Variants in ZNF121 observed in about 807,000 individuals in gnomAD.
ZNF121 encodes the protein zinc finger protein 121 (clone ZHC32).
In ZNF121, 1 loss-of-function variant was observed where a neutral mutation model predicts 2.4. That is an observed-to-expected ratio of 0.41 (90% CI 0.15 to 1.94). ZNF121 has a LOEUF of 1.94. Ranked by LOEUF, ZNF121 falls within the 30% of genes most tolerant of loss-of-function variation. The pLI is 0.30. For synonymous variants in ZNF121, 173 were observed against 158.6 expected, an observed-to-expected ratio of 1.09 and a Z score of -0.68; for missense variants, 369 against 466.3, an observed-to-expected ratio of 0.79 and a Z score of 1.92.
intron 1 of ZNF121, among the ~76,000 whole-genome samples, chr19:9,570,859 G>A (rs992706482): frequency 6.6e-6 from 1 of 152,204 alleles, no homozygotes; most frequent in Admixed American, 6.5e-5. Flanking sequence ...GGGATTACAG[G>A]CGTGAGCCAC....
rs137909722 is a variant in ZNF121, at chr19:9,581,928, C to T, written c.-160+2533G>A. ...CCAAGTATTTAAAGGTCAAGTATCA[C>T]GTGTGCAATTATGCTCAATTTACAC... On this transcript the variant is annotated intron_variant, in intron 1 of 3. Transcript: ENST00000320451. Among the ~76,000 whole-genome samples, 384 of 152,254 alleles carry T rather than the reference C, an allele frequency of 2.5e-3. 2 individuals carry two copies. The highest frequency in any genetic ancestry group is 9.0e-3 in the African/African-American group (373 of 41,538).
intron 3 of ZNF121, 38 bp downstream of exon 3, chr19:9,568,056 CT>C (rs35536068): frequency 0.1 from 156,534 of 1,529,964 alleles, 12,151 homozygotes; most frequent in African/African-American, 0.38. Context: ...GAATCCCAAT[CT>C]TTTTTTGAGT....
intron 1 of ZNF121, among the ~76,000 whole-genome samples, chr19:9,569,755 A>G (rs1005151516): frequency 6.8e-6 from 1 of 147,592 alleles, no homozygotes; most frequent in African/African-American, 2.5e-5. Flanking sequence ...CTTGTCTTGA[A>G]CTCCCGACCT....
chr19:9,562,880 C>T lies in ZNF121; in HGVS notation c.*3060G>A, dbSNP rs143478152. 198 of 113,854 alleles carry T rather than the reference C, an allele frequency of 1.7e-3. No individual in the cohort carries two copies. The highest frequency in any genetic ancestry group is 6.4e-3 in the African/African-American group (190 of 29,612). The allele number at this position is 113,854 out of a possible 1,614,324, so 7.1% of individuals were successfully genotyped here. On this transcript the variant is annotated 3_prime_UTR_variant, in exon 4 of 4. Transcript: ENST00000320451. ...CAGCCGGGTAAACAGTAAAGTCCTGCCTCTTTAAAAAAAAAAAAAAAAAAA... is the reference window on the plus strand; with the variant it reads ...CAGCCGGGTAAACAGTAAAGTCCTGTCTCTTTAAAAAAAAAAAAAAAAAAA...
At position 9,583,791 on chromosome 19, in the gene ZNF121, C is replaced by T. The variant is rs534502962; in HGVS notation, c.-160+670G>A. ...AATGGCTGGGACTACAGGCGTGAGC[C>T]AGCGCGCCCAGCCTGCCTTTCTTTT... On this transcript the variant is annotated intron_variant, in intron 1 of 3. Transcript: ENST00000320451. Among the ~76,000 whole-genome samples the T allele has an allele frequency of 3.3e-3, 510 of 152,288 alleles. 3 individuals carry two copies. The highest frequency in any genetic ancestry group is 4.9e-3 in the Admixed American group (75 of 15,292).
At chr19:9,578,054 A>AT (rs1177334349) in intron 1 of ZNF121, among the ~76,000 whole-genome samples, 2 of 150,202 alleles carry the variant, frequency 1.3e-5, no homozygotes, top group Non-Finnish European at 2.9e-5. Flanking sequence ...AAAAAAAAAA[A>AT]AAATTAGCCT....
chr19:9,577,488 C>CA (rs1020488758), intron 1 of ZNF121, among the ~76,000 whole-genome samples: 8 of 151,188 alleles, frequency 5.3e-5, no homozygotes, highest in African/African-American at 1.9e-4. Context: ...AAAAAGTAAC[C>CA]AAAAATGTGA....
intron 1 of ZNF121, among the ~76,000 whole-genome samples, chr19:9,571,279 C>T (rs1394901757): frequency 6.6e-6 from 1 of 152,112 alleles, no homozygotes; most frequent in Non-Finnish European, 1.5e-5. Flanking sequence ...GCCCATGGGC[C>T]ATAGTGTACC....
intron 1 of ZNF121, among the ~76,000 whole-genome samples, 197 bp from the exon 2 acceptor site, chr19:9,569,279 C>T (rs1599736378): frequency 6.6e-6 from 1 of 151,976 alleles, no homozygotes; most frequent in African/African-American, 2.4e-5. Context: ...GACTTAAATA[C>T]ACATTTAAAA....
At chr19:9,580,321 A>T (rs1030346860) in intron 1 of ZNF121, among the ~76,000 whole-genome samples, 8 of 151,612 alleles carry the variant, frequency 5.3e-5, no homozygotes, top group Admixed American at 5.3e-4. Context: ...AAAAAGATAG[A>T]TATTCCCTTG....
chr19:9,562,415 C>A lies in ZNF121; in HGVS notation c.*3525G>T. 1 of 303,072 alleles carries A rather than the reference C, an allele frequency of 3.3e-6. No homozygotes were observed. The highest frequency in any genetic ancestry group is 2.2e-5 in the African/African-American group (1 of 45,526). 18.8% of individuals were successfully genotyped at this position (303,072 alleles called of 1,614,324 possible). On this transcript the variant is annotated 3_prime_UTR_variant, in exon 4 of 4. Coordinates refer to ENST00000320451, the MANE Select transcript of ZNF121 (RefSeq NM_001008727.5). Reference sequence around the variant, plus strand: ...TCCTGACCTCATGATTCACTCACCTCAGCCTCTCAAGGTGCTGGGATTACA... The same window carrying A: ...TCCTGACCTCATGATTCACTCACCTAAGCCTCTCAAGGTGCTGGGATTACA...
At chr19:9,568,046 G>C in intron 3 of ZNF121, 49 bp downstream of exon 3, 2 of 1,512,744 alleles carry the variant, frequency 1.3e-6, no homozygotes, top group Non-Finnish European at 8.9e-7. Flanking sequence ...TTTTATAATT[G>C]AATCCCAATC....
At chr19:9,572,777 A>G (rs1442345376) in intron 1 of ZNF121, among the ~76,000 whole-genome samples, 1 of 152,184 alleles carries the variant, frequency 6.6e-6, no homozygotes, top group Non-Finnish European at 1.5e-5. Context: ...TAAAGAAAGA[A>G]AATCACTTTC....
At chr19:9,580,446 C>T (rs1390672286) in intron 1 of ZNF121, among the ~76,000 whole-genome samples, 1 of 151,828 alleles carries the variant, frequency 6.6e-6, no homozygotes, top group Non-Finnish European at 1.5e-5. Flanking sequence ...CATGATTATG[C>T]CATTGCCCTC....
chr19:9,572,549 T>G (rs902570180), intron 1 of ZNF121, among the ~76,000 whole-genome samples: 1 of 152,106 alleles, frequency 6.6e-6, no homozygotes, highest in Non-Finnish European at 1.5e-5. Flanking sequence ...AGAAGCCAAG[T>G]CAGAGTGGCT....
intron 1 of ZNF121, among the ~76,000 whole-genome samples, chr19:9,583,807 C>T (rs1046948892): frequency 3.3e-5 from 5 of 152,248 alleles, no homozygotes; most frequent in African/African-American, 7.2e-5. Flanking sequence ...GCCCAGCCTG[C>T]CTTTCTTTTG....
chr19:9,566,152 A>C lies in ZNF121; in HGVS notation c.961T>G (p.Phe321Val), dbSNP rs2074130378. The change falls in exon 4 of 4, where the codon TTT becomes GTT. Residue 321 changes from phenylalanine (F) to valine (V), a missense_variant. Phe to Val is a conservative substitution (Grantham distance 50, BLOSUM62 -1). Coordinates refer to ENST00000320451, the MANE Select transcript of ZNF121 (RefSeq NM_001008727.5). ...TCAATGAGTTGTGAAGATGTAGCAAAGGCTTTCCCACAGTCCTTACATTCA... is the reference window on the plus strand; with the variant it reads ...TCAATGAGTTGTGAAGATGTAGCAACGGCTTTCCCACAGTCCTTACATTCA... ...PYECKDCGKA[F>V]ATSSQLIEHI... 4 of 1,613,994 alleles carry C rather than the reference A, an allele frequency of 2.5e-6. No individual in the cohort carries two copies. Among genetic ancestry groups the C allele is most frequent in the Non-Finnish European group, 3.4e-6 (4 of 1,180,010 alleles).
Position 9,566,862 on chromosome 19 carries a change from C to A in ZNF121, c.251G>T (p.Gly84Val), listed in dbSNP as rs776839731. 6.2e-7 allele frequency: 1 copy of A among 1,614,188 alleles called. No individual in the cohort carries two copies. Among genetic ancestry groups the A allele is most frequent in the Non-Finnish European group, 8.5e-7 (1 of 1,180,032 alleles). The change falls in exon 4 of 4, where the codon GGA becomes GTA. Residue 84 changes from glycine (G) to valine (V), a missense_variant. Physicochemically the swap from Gly to Val is moderately radical, Grantham distance 109 (BLOSUM62 -3). Coordinates refer to ENST00000320451, the MANE Select transcript of ZNF121 (RefSeq NM_001008727.5). The part of the protein sequence containing the change: ...PPNVHQRTWI[G>V]DKSFEYSDCE... ...GTCACTGTATTCAAAGGATTTGTCT[C>A]CTATCCACGTTCTCTGGTGAACATT...
Position 9,565,891 on chromosome 19 carries a change from T to C in ZNF121, c.*49A>G, listed in dbSNP as rs550357968. ...GAATTCAAATGTGGTAATTATGGTATGAGAAATTCCTAAAAGATTTCCACA... is the reference window on the plus strand; with the variant it reads ...GAATTCAAATGTGGTAATTATGGTACGAGAAATTCCTAAAAGATTTCCACA... On this transcript the variant is annotated 3_prime_UTR_variant, in exon 4 of 4. Transcript: ENST00000320451. 7.2e-6 allele frequency: 10 copies of C among 1,385,076 alleles called. No homozygotes were observed. In the South Asian group the frequency reaches 7.5e-5, roughly 10 times the overall value. The allele number at this position is 1,385,076 out of a possible 1,614,324, so 85.8% of individuals were successfully genotyped here.
Sources: gnomAD v4.1 joint callset for allele counts (sites outside exome capture counted in the v4.1 genomes callset) on GRCh38, gnomAD v4.1.1 for gene constraint, MANE v1.5 for transcripts, NCBI Gene and HGNC (gene_info 2026-07-23, HGNC 2026-07-21) for gene names.